The following CASZ1 variants were observed in gnomAD, a reference collection of about 807,000 sequenced individuals.
CASZ1 encodes zinc finger protein castor homolog 1.
A neutral mutation model predicts 135.2 loss-of-function variants in CASZ1; 28 were observed. That is an observed-to-expected ratio of 0.21 (90% CI 0.15 to 0.28). The LOEUF (loss-of-function observed/expected upper bound fraction) is 0.28. Ranked by LOEUF, CASZ1 falls within the 10% of genes least tolerant of loss-of-function variation. CASZ1 has a pLI of 1.00. For synonymous variants in CASZ1, 1,068 were observed against 1,073.4 expected, an observed-to-expected ratio of 0.99 and a Z score of 0.10; for missense variants, 2,161 against 2,453.3, an observed-to-expected ratio of 0.88 and a Z score of 2.52.
intron 18 of CASZ1, among the ~76,000 whole-genome samples, chr1:10,644,598 C>T (rs1177543884): frequency 6.6e-6 from 1 of 152,338 alleles, no homozygotes; most frequent in Non-Finnish European, 1.5e-5. Context: ...ATTCCCTGCT[C>T]GCCTTCTTGA....
intron 4 of CASZ1, among the ~76,000 whole-genome samples, chr1:10,668,090 G>A (rs1051507220): frequency 6.6e-6 from 1 of 152,202 alleles, no homozygotes; most frequent in African/African-American, 2.4e-5. Flanking sequence ...GAGGCGTGTG[G>A]GCCGGGGACA....
intron 1 of CASZ1, among the ~76,000 whole-genome samples, chr1:10,789,980 GC>G (rs1553144101): frequency 2.0e-5 from 3 of 152,102 alleles, no homozygotes; most frequent in Non-Finnish European, 4.4e-5. Context: ...ACTCAAGGGG[GC>G]CCGAGGTGGG....
intron 1 of CASZ1, among the ~76,000 whole-genome samples, chr1:10,795,604 C>G (rs1350842566): frequency 6.6e-6 from 1 of 152,218 alleles, no homozygotes; most frequent in African/African-American, 2.4e-5. Flanking sequence ...CTCGCCCGAA[C>G]TTTCCCCGGG....
At position 10,665,107 on chromosome 1, in the gene CASZ1, C is replaced by T. The variant is rs772569733; in HGVS notation, c.481G>A (p.Gly161Ser). ...SDGAASKEDS[G>S]PSTRQASGEA... Reference sequence around the variant, plus strand: ...CCTGAAGCCTGCCTGGTGCTGGGGCCGCTGTCCTCCTTGGAGGCTGCCCCG... The same window carrying T: ...CCTGAAGCCTGCCTGGTGCTGGGGCTGCTGTCCTCCTTGGAGGCTGCCCCG... Residue 161 changes from glycine (G) to serine (S), a missense_variant, in exon 5 of 21, where the codon GGC becomes AGC. Around this residue, in one of 7 missense-constraint regions of CASZ1, gnomAD observed 590 missense variants for 609.8 expected, o/e 0.97. Coordinates refer to ENST00000377022, the MANE Select transcript of CASZ1 (RefSeq NM_001079843.3). The T allele has an allele frequency of 2.0e-6, 3 of 1,509,204 alleles. No homozygotes were observed. The highest frequency in any genetic ancestry group is 1.3e-5 in the South Asian group (1 of 74,628). 93.5% of individuals were successfully genotyped at this position (1,509,204 alleles called of 1,614,324 possible). A position where few individuals can be genotyped will look rare whatever the true frequency, so the allele number is the denominator to read the frequency against.
At chr1:10,775,112 C>T (rs1040090338) in intron 1 of CASZ1, among the ~76,000 whole-genome samples, 6 of 152,086 alleles carry the variant, frequency 3.9e-5, no homozygotes, top group Admixed American at 2.0e-4. Context: ...GCAATACACA[C>T]GGCAGACTCC....
At chr1:10,687,145 G>A (rs903106458) in intron 4 of CASZ1, among the ~76,000 whole-genome samples, 1 of 152,080 alleles carries the variant, frequency 6.6e-6, no homozygotes, top group African/African-American at 2.4e-5. Context: ...AGCTCTGCCC[G>A]GCTCCTCCAG....
intron 4 of CASZ1, among the ~76,000 whole-genome samples, chr1:10,668,640 G>A (rs1198883528): frequency 3.9e-5 from 6 of 152,260 alleles, no homozygotes; most frequent in African/African-American, 7.2e-5. Context: ...CTGGCCCCAC[G>A]GGCTCTGGCG....
rs1051503527 is a variant in CASZ1 at position 10,717,331 on chromosome 1, G to T, written c.-76-11787C>A. Among the ~76,000 whole-genome samples, 1 of 152,112 alleles carries T rather than the reference G, an allele frequency of 6.6e-6. No individual in the cohort carries two copies. The highest frequency in any genetic ancestry group is 1.9e-4 in the East Asian group (1 of 5,204). ...ACTTGGCTTCTCTGCCTTTCTGTCC[G>T]ATGCATCTTTCCTGCCTTGCCGTGC... On this transcript the variant is annotated intron_variant, in intron 2 of 20. Coordinates refer to ENST00000377022, the MANE Select transcript of CASZ1 (RefSeq NM_001079843.3). The surrounding 1 kb of genome is among the most constrained non-coding windows in gnomAD (Gnocchi z 4.6).
intron 5 of CASZ1, among the ~76,000 whole-genome samples, chr1:10,664,650 C>T (rs1335502953): frequency 6.6e-6 from 1 of 152,066 alleles, no homozygotes; most frequent in Admixed American, 6.5e-5. Flanking sequence ...AATGTGCAGA[C>T]AGCAGGCTCA....
At position 10,735,342 on chromosome 1, in the gene CASZ1, C is replaced by T. The variant is rs1639776351; in HGVS notation, c.-77+25359G>A. 6.6e-6 allele frequency among the ~76,000 whole-genome samples: 1 copy of T among 152,150 alleles called. No individual in the cohort carries two copies. The highest frequency in any genetic ancestry group is 2.1e-4 in the South Asian group (1 of 4,836). The stretch of plus-strand genomic sequence containing the variant: ...AGGGAAAGGTTGAGCCGCCACGGGC[C>T]CCAAGCTGCATTCTGAGCTGACGAG... On this transcript the variant is annotated intron_variant, in intron 2 of 20. Transcript: ENST00000377022. The surrounding 1 kb of genome is among the most constrained non-coding windows in gnomAD (Gnocchi z 5.1).
chr1:10,658,319 C>A (rs576574698), intron 7 of CASZ1, 189 bp downstream of exon 7: 2 of 601,456 alleles, frequency 3.3e-6, no homozygotes, highest in Non-Finnish European at 6.0e-6. Flanking sequence ...CTACACAGAG[C>A]GGAGGGAGGC....
rs900055671 is a variant in CASZ1 at position 10,725,304 on chromosome 1, C to T, written c.-76-19760G>A. Among the ~76,000 whole-genome samples the T allele has an allele frequency of 1.1e-4, 17 of 152,370 alleles. No individual in the cohort carries two copies. Among genetic ancestry groups the T allele is most frequent in the South Asian group, 6.2e-4 (3 of 4,826 alleles). On this transcript the variant is annotated intron_variant, in intron 2 of 20. Transcript: ENST00000377022. The surrounding 1 kb of genome is among the most constrained non-coding windows in gnomAD (Gnocchi z 4.4). ...ACCGTGCCAATGCCAACACCGTGGC[C>T]GCCTCCCGCTGCATGCGTGTGGCTG...
intron 4 of CASZ1, among the ~76,000 whole-genome samples, chr1:10,669,258 C>T (rs141069421): frequency 3.0e-4 from 46 of 152,340 alleles, no homozygotes; most frequent in Middle Eastern, 3.4e-3. Context: ...GGACTTGGCC[C>T]CATCCCCATT....
At chr1:10,651,232 C>G (rs373036940) in intron 11 of CASZ1, 156 bp from the exon 12 acceptor site, 1 of 472,524 alleles carries the variant, frequency 2.1e-6, no homozygotes, top group Non-Finnish European at 3.5e-6. Context: ...GCGACGCTCG[C>G]TCCTGTGTGG....
rs1014225117 is a variant in CASZ1, at chr1:10,717,883, C to T, written c.-76-12339G>A. 2.0e-5 allele frequency among the ~76,000 whole-genome samples: 3 copies of T among 152,220 alleles called. No homozygotes were observed. Among genetic ancestry groups the T allele is most frequent in the Non-Finnish European group, 2.9e-5 (2 of 68,040 alleles). On this transcript the variant is annotated intron_variant, in intron 2 of 20. Coordinates refer to ENST00000377022, the MANE Select transcript of CASZ1 (RefSeq NM_001079843.3). This position sits in a 1 kb window ranked among gnomAD's most constrained non-coding sequence, Gnocchi z 4.6. ...ACAGCCATCAGTGGGAGGAAGAGTC[C>T]GGGCAGGCTGGTGGGCCTTTAAGGC...
At chr1:10,650,421 AG>A (rs1221740177) in intron 13 of CASZ1, 14 of 326,250 alleles carry the variant, frequency 4.3e-5, no homozygotes, top group Non-Finnish European at 6.6e-5. Flanking sequence ...ACGAAGTTGA[AG>A]GGCTCTGGAA....
chr1:10,789,880 C>T (rs1221997584), intron 1 of CASZ1, among the ~76,000 whole-genome samples: 57 of 152,326 alleles, frequency 3.7e-4, no homozygotes, highest in Admixed American at 3.5e-3. Context: ...AGCTCTTAAA[C>T]GCTTGATTAA....
At chr1:10,746,263 C>A (rs189074413) in intron 2 of CASZ1, among the ~76,000 whole-genome samples, 1 of 152,128 alleles carries the variant, frequency 6.6e-6, no homozygotes, top group Admixed American at 6.5e-5. Flanking sequence ...CTCACACGTG[C>A]GCGCACACAC....
intron 2 of CASZ1, among the ~76,000 whole-genome samples, chr1:10,750,342 C>T (rs926804053): frequency 6.6e-6 from 1 of 152,190 alleles, no homozygotes; most frequent in African/African-American, 2.4e-5. Flanking sequence ...GTGGTGCGAT[C>T]ACAGCTCACT....
Sources: gnomAD v4.1 joint callset for allele counts (sites outside exome capture counted in the v4.1 genomes callset) on GRCh38, gnomAD v4.1.1 for gene constraint, gnomAD v4.1.1 regional missense constraint, Gnocchi (gnomAD v3.1) non-coding constraint, MANE v1.5 for transcripts, NCBI Gene and HGNC (gene_info 2026-07-23, HGNC 2026-07-21) for gene names.